Variants in RPS6KC1 observed in about 807,000 individuals in gnomAD.
RPS6KC1 encodes the protein inactive ribosomal protein S6 kinase delta-1.
A neutral mutation model predicts 103.8 loss-of-function variants in RPS6KC1; 54 were observed. The ratio of observed to expected loss-of-function variants is 0.52; its 90% CI spans 0.42 to 0.65. The LOEUF (loss-of-function observed/expected upper bound fraction) is 0.65, where lower values mean the gene tolerates loss of function less well. Ranked by LOEUF, RPS6KC1 falls within the 30% of genes least tolerant of loss-of-function variation. The pLI, the probability that RPS6KC1 is intolerant of heterozygous loss-of-function variation, is 0.00. For synonymous variants in RPS6KC1, 439 were observed against 438.7 expected (o/e 1.00, Z -0.01); for missense variants, 1,151 against 1,253.8 (o/e 0.92, Z 1.24).
At chr1:213,407,224 A>G in the RPS6KC1 span, among the ~76,000 whole-genome samples, 281 of 137,992 alleles carry the variant, frequency 2.0e-3, no homozygotes, top group East Asian at 4.6e-3. Context: ...GCGCGCACAC[A>G]CACACACACA....
At chr1:213,598,790 A>G in the RPS6KC1 span, among the ~76,000 whole-genome samples, 1 of 152,066 alleles carries the variant, frequency 6.6e-6, no homozygotes, top group Admixed American at 6.5e-5. Flanking sequence ...TGATGGTGGC[A>G]CATGCCTGTA....
At chr1:213,062,301 A>G (rs976252754) in intron 1 of RPS6KC1, among the ~76,000 whole-genome samples, 1 of 152,218 alleles carries the variant, frequency 6.6e-6, no homozygotes, top group Non-Finnish European at 1.5e-5. Context: ...ATATAAAGGT[A>G]TATATGAAAC....
the RPS6KC1 span, among the ~76,000 whole-genome samples, chr1:213,622,015 C>T: frequency 1.3e-5 from 2 of 152,138 alleles, no homozygotes; most frequent in Non-Finnish European, 2.9e-5. Flanking sequence ...CCTCTTCCTT[C>T]TTGTTACTTG....
At chr1:213,793,594 C>A in the RPS6KC1 span, among the ~76,000 whole-genome samples, 1 of 152,090 alleles carries the variant, frequency 6.6e-6, no homozygotes, top group Non-Finnish European at 1.5e-5. Context: ...AACATTGAGT[C>A]AAGGACAGTT....
chr1:213,501,727 T>C, the RPS6KC1 span, among the ~76,000 whole-genome samples: 1 of 113,982 alleles, frequency 8.8e-6, no homozygotes. Context: ...AGAGTGAGAG[T>C]CCATCAAAAA....
At chr1:213,144,501 C>T (rs2087484311) in intron 6 of RPS6KC1, among the ~76,000 whole-genome samples, 1 of 152,026 alleles carries the variant, frequency 6.6e-6, no homozygotes, top group African/African-American at 2.4e-5. Context: ...AGTACTCCAG[C>T]CCCAGCCTCC....
At chr1:213,701,972 C>T in the RPS6KC1 span, among the ~76,000 whole-genome samples, 3 of 151,752 alleles carry the variant, frequency 2.0e-5, no homozygotes, top group African/African-American at 4.8e-5. Flanking sequence ...ATTTGGTTTG[C>T]TCCTGCTTTT....
intron 3 of RPS6KC1, among the ~76,000 whole-genome samples, chr1:213,088,364 T>A (rs2080622933): frequency 6.6e-6 from 1 of 152,012 alleles, no homozygotes; most frequent in Admixed American, 6.6e-5. Context: ...CTCTCATGGC[T>A]AATAATTTTT....
Position 213,068,218 on chromosome 1 carries a change from G to T in RPS6KC1, c.106-2788G>T, listed in dbSNP as rs527896784. On this transcript the variant is annotated intron_variant, in intron 1 of 14. Transcript: ENST00000366960. ...AATGTAAGAACGGCGGGGCGCAGTG[G>T]CTCACGCCTGTAATCCCAGCACTTT... Among the ~76,000 whole-genome samples the T allele has an allele frequency of 2.6e-3, 388 of 152,102 alleles. 1 individual carries two copies. Among genetic ancestry groups the T allele is most frequent in the Admixed American group, 4.3e-3 (65 of 15,278 alleles).
Position 213,196,899 on chromosome 1 carries a change from C to T in RPS6KC1, c.1044+20407C>T, listed in dbSNP as rs369590836. Among the ~76,000 whole-genome samples the T allele has an allele frequency of 1.1e-4, 17 of 152,218 alleles. No individual in the cohort carries two copies. In the South Asian group the frequency reaches 1.9e-3, roughly 17 times the overall value. ...TTGCCCGGGCTGGGGTGCAATGGCG[C>T]GATCTCGGCTCACTGCAACCTCCGC... On this transcript the variant is annotated intron_variant, in intron 8 of 14. Transcript: ENST00000366960.
intron 3 of RPS6KC1, among the ~76,000 whole-genome samples, chr1:213,099,769 C>G (rs1319259895): frequency 6.6e-6 from 1 of 152,124 alleles, no homozygotes; most frequent in Non-Finnish European, 1.5e-5. Context: ...TGTCTGGCTT[C>G]CCTCCTGCAG....
intron 8 of RPS6KC1, among the ~76,000 whole-genome samples, chr1:213,193,422 C>G (rs1000100913): frequency 9.9e-5 from 15 of 152,054 alleles, no homozygotes; most frequent in African/African-American, 3.6e-4. Context: ...CCATGCCTGG[C>G]TAATTAATTT....
chr1:213,189,448 CAAAAAA>C (rs35941412), intron 8 of RPS6KC1, among the ~76,000 whole-genome samples: 1 of 103,574 alleles, frequency 9.7e-6, no homozygotes, highest in Non-Finnish European at 2.0e-5. Flanking sequence ...GCCTTTGTCT[CAAAAAA>C]AAAAAAAAAA....
intron 6 of RPS6KC1, among the ~76,000 whole-genome samples, chr1:213,157,060 A>C (rs1282217262): frequency 6.6e-6 from 1 of 152,110 alleles, no homozygotes; most frequent in Non-Finnish European, 1.5e-5. Context: ...TGTCCCTCTA[A>C]GCACTGCTTC....
At chr1:213,576,641 C>A in the RPS6KC1 span, among the ~76,000 whole-genome samples, 1 of 152,058 alleles carries the variant, frequency 6.6e-6, no homozygotes, top group African/African-American at 2.4e-5. Context: ...AGTCTCTTTC[C>A]CTCTCCTCAG....
chr1:213,705,043 C>A, the RPS6KC1 span, among the ~76,000 whole-genome samples: 1 of 152,224 alleles, frequency 6.6e-6, no homozygotes, highest in African/African-American at 2.4e-5. Flanking sequence ...TGGTCACCAC[C>A]ACTGGGACTG....
chr1:213,180,673 A>T lies in RPS6KC1; in HGVS notation c.1044+4181A>T, dbSNP rs182648122. Among the ~76,000 whole-genome samples the T allele has an allele frequency of 7.2e-4, 110 of 152,326 alleles. 2 individuals carry two copies. The East Asian group carries it at 0.016, about 22-fold the overall frequency. On this transcript the variant is annotated intron_variant, in intron 8 of 14. Coordinates refer to ENST00000366960, the MANE Select transcript of RPS6KC1 (RefSeq NM_012424.6). ...GGAGAGAAGAAATTAGCGGAAAAAA[A>T]ACTCTGATGGGATGAGGAGGATGCA...
At chr1:213,586,389 A>C in the RPS6KC1 span, among the ~76,000 whole-genome samples, 1 of 152,242 alleles carries the variant, frequency 6.6e-6, no homozygotes, top group Non-Finnish European at 1.5e-5. Flanking sequence ...ATGGAAATAA[A>C]TCTGGGAGCC....
At chr1:213,801,008 C>T in the RPS6KC1 span, among the ~76,000 whole-genome samples, 1 of 152,174 alleles carries the variant, frequency 6.6e-6, no homozygotes. Context: ...CTGCTCTTTT[C>T]CTTCTCAGGT....
Sources: allele counts gnomAD v4.1 joint callset (sites outside exome capture counted in the v4.1 genomes callset), GRCh38; gene constraint gnomAD v4.1.1; transcripts MANE v1.5; gene names NCBI Gene and HGNC (gene_info 2026-07-23, HGNC 2026-07-21).